GSN: variants seen among roughly 807,000 people sequenced by gnomAD.
GSN encodes the protein gelsolin, also known as actin-depolymerizing factor.
Under a neutral mutation model 85.7 loss-of-function variants are expected in GSN, and 56 were observed. The ratio of observed to expected loss-of-function variants is 0.65; its 90% CI spans 0.53 to 0.82. GSN has a LOEUF of 0.82. GSN is among the 40% of genes least tolerant of loss of function. The pLI, the probability that GSN is intolerant of heterozygous loss-of-function variation, is 0.00. For missense variants in GSN, 857 were observed against 979.8 expected (o/e 0.87, Z 1.67); for synonymous variants, 373 against 399.1 (o/e 0.93, Z 0.78).
intron 5 of GSN, among the ~76,000 whole-genome samples, chr9:121,246,446 T>A (rs1229351968): frequency 6.6e-6 from 1 of 152,200 alleles, no homozygotes; most frequent in East Asian, 1.9e-4. Context: ...AATGCGAAAA[T>A]GAGGCAATTA....
chr9:121,295,658 G>C (rs1025614480), intron 2 of GSN, among the ~76,000 whole-genome samples: 2 of 152,216 alleles, frequency 1.3e-5, no homozygotes, highest in Non-Finnish European at 2.9e-5. Context: ...AGGGCCCAGA[G>C]CTGGTTGTGT....
intron 2 of GSN, chr9:121,282,667 G>A (rs1005416160): frequency 1.7e-5 from 8 of 469,840 alleles, no homozygotes; most frequent in Non-Finnish European, 2.5e-5. Context: ...CAAAGGTTCT[G>A]CTGACAAAGA....
rs2063353066 is a variant in GSN at position 121,327,420 on chromosome 9, C to A, written c.1700C>A (p.Ala567Asp). ...GCCAGCGAGGCAGAGAAGACGGGGG[C>A]CCAGGAGCTGCTCAGGGTGCTGCGG... ...TGASEAEKTG[A>D]QELLRVLRAQ... is the part of the protein sequence containing the mutation. Residue 567 changes from alanine (A) to aspartate (D), a missense_variant, in exon 14 of 18, where the codon GCC (alanine) becomes GAC (aspartate). Transcript: ENST00000432226. The A allele has an allele frequency of 3.7e-6, 6 of 1,609,802 alleles. No individual in the cohort carries two copies. Among genetic ancestry groups the A allele is most frequent in the African/African-American group, 1.3e-5 (1 of 74,868 alleles).
intron 6 of GSN, 123 bp downstream of exon 6, chr9:121,312,611 T>G (rs2061295926): frequency 1.3e-6 from 1 of 755,916 alleles, no homozygotes; most frequent in Non-Finnish European, 2.0e-6. Flanking sequence ...CCCCACCTTT[T>G]TATTTTTAAA....
intron 5 of GSN, among the ~76,000 whole-genome samples, chr9:121,242,601 T>C (rs142721189): frequency 2.0e-5 from 3 of 152,322 alleles, no homozygotes; most frequent in Non-Finnish European, 4.4e-5. Flanking sequence ...TTTCTTTTTC[T>C]GCAAATAAGT....
At chr9:121,257,196 A>G (rs1564361929) in intron 6 of GSN, among the ~76,000 whole-genome samples, 1 of 152,220 alleles carries the variant, frequency 6.6e-6, no homozygotes, top group Non-Finnish European at 1.5e-5. Flanking sequence ...ATCATTATAT[A>G]TATACTCTAC....
chr9:121,276,316 A>G (rs2056662042), intron 1 of GSN, among the ~76,000 whole-genome samples: 1 of 152,246 alleles, frequency 6.6e-6, no homozygotes, highest in Admixed American at 6.5e-5. Context: ...AAGAAGCCCT[A>G]GCCCCTCTCA....
intron 1 of GSN, among the ~76,000 whole-genome samples, chr9:121,270,694 C>T (rs1588559807): frequency 6.6e-6 from 1 of 152,182 alleles, no homozygotes; most frequent in African/African-American, 2.4e-5. Flanking sequence ...ATGGTGTGTG[C>T]ACTCCTGCCA....
intron 1 of GSN, among the ~76,000 whole-genome samples, chr9:121,268,587 C>T (rs796198915): frequency 2.0e-5 from 3 of 152,208 alleles, no homozygotes; most frequent in African/African-American, 7.2e-5. Flanking sequence ...CAGGGGACCA[C>T]CAGCTACGGT....
At chr9:121,278,641 G>C (rs906310855) in intron 1 of GSN, among the ~76,000 whole-genome samples, 21 of 152,208 alleles carry the variant, frequency 1.4e-4, no homozygotes, top group Non-Finnish European at 2.8e-4. Flanking sequence ...GGCACGTAGT[G>C]AGAGCCCCAG....
chr9:121,309,981 A>AGC (rs1316121894), intron 4 of GSN: 1 of 152,858 alleles, frequency 6.5e-6, no homozygotes, highest in Non-Finnish European at 1.4e-5. Flanking sequence ...AGAGAGAGAG[A>AGC]GCGGAAGGAA....
At chr9:121,286,176 T>C in intron 2 of GSN, 1 of 1,533,334 alleles carries the variant, frequency 6.5e-7, no homozygotes. Context: ...GGGGCAATTC[T>C]GACCCATGGG....
chr9:121,225,338 T>A (rs1245665633), intron 4 of GSN, among the ~76,000 whole-genome samples: 5 of 152,236 alleles, frequency 3.3e-5, no homozygotes, highest in Non-Finnish European at 2.9e-5. Context: ...GATCCCAGTC[T>A]TTTAAACACA....
At chr9:121,310,595 T>C (rs2060990935) in intron 4 of GSN, 89 bp from the exon 5 acceptor site, 6 of 1,317,442 alleles carry the variant, frequency 4.6e-6, no homozygotes, top group Non-Finnish European at 6.5e-6. Flanking sequence ...CAAGCCAGAA[T>C]TTCCTTTACC....
Position 121,318,625 on chromosome 9 carries a change from C to A in GSN, c.976-40C>A. The stretch of plus-strand genomic sequence containing the variant: ...GGCTCCCCTGGGGACCCCTGCTGGG[C>A]AGCCCAGCCACATCCTGCTCCTCTG... On this transcript the variant is annotated intron_variant, in intron 9 of 17. Coordinates refer to ENST00000432226, the MANE Select transcript of GSN (RefSeq NM_198252.3). This position sits in a 1 kb window ranked among gnomAD's most constrained non-coding sequence, Gnocchi z 4.3. 1 of 1,545,722 alleles carries A rather than the reference C, an allele frequency of 6.5e-7. No individual in the cohort carries two copies. Among genetic ancestry groups the A allele is most frequent in the Non-Finnish European group, 8.9e-7 (1 of 1,118,526 alleles).
At chr9:121,238,108 C>T (rs2054533603) in intron 5 of GSN, 1 of 152,304 alleles carries the variant, frequency 6.6e-6, no homozygotes, top group Admixed American at 6.5e-5. Flanking sequence ...AGTGATGAAA[C>T]AGCAGCCAGT....
chr9:121,288,797 A>G (rs1353388683), intron 2 of GSN, among the ~76,000 whole-genome samples: 1 of 151,958 alleles, frequency 6.6e-6, no homozygotes, highest in Non-Finnish European at 1.5e-5. Flanking sequence ...GGTATCATGG[A>G]CACGGCATTC....
chr9:121,257,677 C>T (rs2054994609), intron 6 of GSN, among the ~76,000 whole-genome samples: 1 of 152,178 alleles, frequency 6.6e-6, no homozygotes, highest in African/African-American at 2.4e-5. Flanking sequence ...TCGAGACCAG[C>T]CTGGCCAACA....
intron 2 of GSN, among the ~76,000 whole-genome samples, chr9:121,294,576 C>G (rs1310147522): frequency 1.3e-5 from 2 of 152,188 alleles, no homozygotes; most frequent in South Asian, 4.1e-4. Flanking sequence ...GGCTTTGGTC[C>G]CTGAGACAGT....
Sources: allele counts gnomAD v4.1 joint callset (sites outside exome capture counted in the v4.1 genomes callset), GRCh38; gene constraint gnomAD v4.1.1; non-coding constraint Gnocchi (gnomAD v3.1); transcripts MANE v1.5; gene names NCBI Gene and HGNC (gene_info 2026-07-23, HGNC 2026-07-21).